The following ZDHHC13 variants were observed in gnomAD, a reference collection of about 807,000 sequenced individuals.
ZDHHC13 encodes the protein palmitoyltransferase ZDHHC13.
A neutral mutation model predicts 86.0 loss-of-function variants in ZDHHC13; 85 were observed. The observed-to-expected ratio is 0.99, with a 90% CI of 0.83 to 1.18. ZDHHC13 has a LOEUF of 1.18. Among genes scored for constraint, ZDHHC13 ranks in the 50% most tolerant of loss-of-function variants. The probability of loss-of-function intolerance (pLI) is 0.00; values close to 1 mark genes in which losing one functional copy is unlikely to be tolerated. For synonymous variants in ZDHHC13, 263 were observed against 246.4 expected, an observed-to-expected ratio of 1.07 and a Z score of -0.63; for missense variants, 711 against 730.2, an observed-to-expected ratio of 0.97 and a Z score of 0.30.
intron 10 of ZDHHC13, 129 bp from the exon 11 acceptor site, chr11:19,163,174 A>G: frequency 1.1e-6 from 1 of 883,398 alleles, no homozygotes. Context: ...GGATGGGAAG[A>G]GATTTAGGGG....
chr11:19,158,116 T>A (rs1018422333), intron 9 of ZDHHC13, among the ~76,000 whole-genome samples: 10 of 152,194 alleles, frequency 6.6e-5, no homozygotes, highest in Admixed American at 1.3e-4. Context: ...CATCTAAAGT[T>A]TGGATTCTTT....
intron 1 of ZDHHC13, among the ~76,000 whole-genome samples, chr11:19,133,942 T>TATAC: frequency 3.1e-5 from 3 of 95,994 alleles, no homozygotes; most frequent in African/African-American, 1.0e-4. Context: ...TATATATATA[T>TATAC]ACACGTATGT....
intron 1 of ZDHHC13, among the ~76,000 whole-genome samples, chr11:19,128,158 G>T (rs967173913): frequency 1.3e-5 from 2 of 152,034 alleles, no homozygotes; most frequent in African/African-American, 4.8e-5. Flanking sequence ...CATTGTAGAG[G>T]TCTTTCACCT....
chr11:19,169,621 T>C lies in ZDHHC13; in HGVS notation c.1475-790T>C, dbSNP rs996752114. On this transcript the variant is annotated intron_variant, in intron 14 of 16. Coordinates refer to ENST00000446113, the MANE Select transcript of ZDHHC13 (RefSeq NM_019028.3). ...TTAAAAATAATTCACCCTTTATGCA[T>C]GGGCAGGGTGCCTGTAAAAGTCATT... 4 of 985,468 alleles carry C rather than the reference T, an allele frequency of 4.1e-6. No homozygotes were observed. The South Asian group carries it at 1.4e-4, about 35-fold the overall frequency. 61.0% of individuals were successfully genotyped at this position (985,468 alleles called of 1,614,324 possible).
intron 1 of ZDHHC13, among the ~76,000 whole-genome samples, chr11:19,120,824 A>T (rs1051406669): frequency 5.3e-5 from 8 of 152,096 alleles, no homozygotes; most frequent in African/African-American, 1.9e-4. Context: ...TAGTATCTTG[A>T]GGTGGTTGTA....
chr11:19,129,307 A>G (rs1335480507), intron 1 of ZDHHC13, among the ~76,000 whole-genome samples: 1 of 152,164 alleles, frequency 6.6e-6, no homozygotes, highest in African/African-American at 2.4e-5. Flanking sequence ...AAGTGGTGAT[A>G]ATGAGCATAT....
intron 1 of ZDHHC13, among the ~76,000 whole-genome samples, chr11:19,125,985 CAT>C (rs1436774171): frequency 6.6e-6 from 1 of 152,124 alleles, no homozygotes; most frequent in Non-Finnish European, 1.5e-5. Context: ...TCCATACATA[CAT>C]GTGTTAAAAT....
intron 14 of ZDHHC13, chr11:19,169,096 C>T (rs541127693): frequency 1.0e-6 from 1 of 985,380 alleles, no homozygotes; most frequent in Non-Finnish European, 1.2e-6. Context: ...ATCTGAAAAC[C>T]AGTATTCTGA....
intron 1 of ZDHHC13, among the ~76,000 whole-genome samples, chr11:19,136,641 A>T (rs59873607): frequency 6.6e-6 from 1 of 152,052 alleles, no homozygotes; most frequent in African/African-American, 2.4e-5. Flanking sequence ...GTTGAAATGA[A>T]GGAAAAAATG....
intron 1 of ZDHHC13, among the ~76,000 whole-genome samples, chr11:19,126,264 C>T (rs1209369554): frequency 6.6e-6 from 1 of 151,784 alleles, no homozygotes; most frequent in East Asian, 1.9e-4. Flanking sequence ...TTTTCTGCTC[C>T]TCTCTCTCCT....
rs369522768 is a variant in ZDHHC13, at chr11:19,152,718, A to T, written c.873+34A>T. The T allele has an allele frequency of 1.7e-5, 28 of 1,611,008 alleles. No homozygotes were observed. The African/African-American group carries it at 3.5e-4, about 20-fold the overall frequency. On this transcript the variant is annotated intron_variant, in intron 8 of 16. Transcript: ENST00000446113. ...ATATGGGGTCTTTTCTATGGGATAG[A>T]TGACTTTTTTTGTTCATTTGGTTTT...
In ZDHHC13 at chr11:19,164,311, C is replaced by A. The variant is rs1463552105; in HGVS notation, c.1244C>A (p.Thr415Asn). 6.2e-7 allele frequency: 1 copy of A among 1,613,040 alleles called. No homozygotes were observed. Among genetic ancestry groups the A allele is most frequent in the South Asian group, 1.1e-5 (1 of 91,034 alleles). ...CTTCATGTCTTTCAGAATATCATCA[C>A]CCTTGCAGAAACTGGCTCTCTGGAC... ...SEEEKKVNII[T>N]LAETGSLDFR... Residue 415 changes from threonine (T) to asparagine (N), a missense_variant, in exon 12 of 17, where the codon ACC becomes AAC. By Grantham distance (65) the Thr-to-Asn change is moderately conservative. Transcript: ENST00000446113.
At chr11:19,152,832 C>A (rs1849650678) in intron 8 of ZDHHC13, 148 bp downstream of exon 8, 1 of 1,299,690 alleles carries the variant, frequency 7.7e-7, no homozygotes. Context: ...TCCTATTACC[C>A]AAAGTTGGAA....
chr11:19,136,111 G>C (rs534377472), intron 1 of ZDHHC13, among the ~76,000 whole-genome samples: 91 of 152,044 alleles, frequency 6.0e-4, no homozygotes, highest in African/African-American at 2.1e-3. Flanking sequence ...GGCTTCAGAC[G>C]ATCAAATTAC....
chr11:19,169,450 T>G, intron 14 of ZDHHC13: 1 of 985,450 alleles, frequency 1.0e-6, no homozygotes, highest in Non-Finnish European at 1.2e-6. Flanking sequence ...AGGATTTAAA[T>G]GGACAGTTGA....
chr11:19,127,627 A>G (rs1848906520), intron 1 of ZDHHC13, among the ~76,000 whole-genome samples: 2 of 152,044 alleles, frequency 1.3e-5, no homozygotes, highest in Non-Finnish European at 2.9e-5. Flanking sequence ...GATTTTTTAT[A>G]TGGTGTAAGG....
Position 19,151,949 on chromosome 11 carries a change from T to A in ZDHHC13, c.585-209T>A, listed in dbSNP as rs571418693. 5.3e-5 allele frequency among the ~76,000 whole-genome samples: 8 copies of A among 152,198 alleles called. No individual in the cohort carries two copies. The South Asian group carries it at 1.7e-3, about 32-fold the overall frequency. ...CACTGCATTGTTAAAATTATCTATC[T>A]GTATAGCAGTCGTCATTTAATAGAT... On this transcript the variant is annotated intron_variant, in intron 6 of 16. Coordinates refer to ENST00000446113, the MANE Select transcript of ZDHHC13 (RefSeq NM_019028.3).
chr11:19,158,212 C>T (rs1008644883), intron 9 of ZDHHC13, among the ~76,000 whole-genome samples: 6 of 152,088 alleles, frequency 3.9e-5, no homozygotes, highest in African/African-American at 1.4e-4. Flanking sequence ...TACTGTTAAT[C>T]ATTGTTTTTT....
chr11:19,150,389 G>A (rs1024900134), intron 5 of ZDHHC13, among the ~76,000 whole-genome samples: 1 of 152,112 alleles, frequency 6.6e-6, no homozygotes, highest in Non-Finnish European at 1.5e-5. Flanking sequence ...GCGAATTAAT[G>A]TGTCAACTAA....
Sources: allele counts gnomAD v4.1 joint callset (sites outside exome capture counted in the v4.1 genomes callset), GRCh38; gene constraint gnomAD v4.1.1; transcripts MANE v1.5; gene names NCBI Gene and HGNC (gene_info 2026-07-23, HGNC 2026-07-21).